LEF1: variants seen among roughly 807,000 people sequenced by gnomAD.
LEF1 encodes the protein lymphoid enhancer binding factor 1.
A neutral mutation model predicts 51.2 loss-of-function variants in LEF1; 14 were observed. The observed-to-expected ratio is 0.27, with a 90% CI of 0.18 to 0.43. The LOEUF is 0.43. LEF1 is among the 20% of genes least tolerant of loss of function. The pLI is 1.00. For missense variants in LEF1, 386 were observed against 512.0 expected (o/e 0.75, Z 2.37); for synonymous variants, 185 against 183.2 (o/e 1.01, Z -0.08).
chr4:108,121,122 C>T (rs1742154986), intron 3 of LEF1, among the ~76,000 whole-genome samples: 1 of 152,144 alleles, frequency 6.6e-6, no homozygotes. Context: ...TGCTTAAGGG[C>T]CTAGGTTTAA....
At chr4:108,146,440 T>C (rs1744005029) in intron 3 of LEF1, among the ~76,000 whole-genome samples, 2 of 152,228 alleles carry the variant, frequency 1.3e-5, no homozygotes, top group African/African-American at 4.8e-5. Flanking sequence ...TATTAACATA[T>C]GAGATGTCCT....
intron 1 of LEF1, chr4:108,166,481 C>T: frequency 1.4e-6 from 2 of 1,379,364 alleles, no homozygotes; most frequent in Non-Finnish European, 1.9e-6. Context: ...TACCGGATTT[C>T]CTCCAGAGGG....
intron 3 of LEF1, among the ~76,000 whole-genome samples, chr4:108,144,930 AT>A (rs1239999572): frequency 6.7e-5 from 10 of 150,352 alleles, no homozygotes; most frequent in Admixed American, 1.3e-4. Flanking sequence ...TGCAGGTTTC[AT>A]AAAAAACTTT....
chr4:108,161,149 G>C (rs1455815507), intron 3 of LEF1, among the ~76,000 whole-genome samples: 2 of 152,200 alleles, frequency 1.3e-5, no homozygotes. Flanking sequence ...GTGGTTAGGG[G>C]TGAAGAAGAG....
chr4:108,133,291 TG>T, intron 3 of LEF1, among the ~76,000 whole-genome samples: 1 of 152,358 alleles, frequency 6.6e-6, no homozygotes, highest in East Asian at 1.9e-4. Flanking sequence ...TGAAAACCAC[TG>T]GGTTAGATCA....
rs1742293454 is a variant in LEF1, at chr4:108,123,349, T to C, written c.415-34092A>G. Reference sequence around the variant, plus strand: ...TTGAGACAAGAAATTTTCACTGCAGTTCCCTGGGAAGGTAGGTTTATTTCT... The same window carrying C: ...TTGAGACAAGAAATTTTCACTGCAGCTCCCTGGGAAGGTAGGTTTATTTCT... On this transcript the variant is annotated intron_variant, in intron 3 of 11. Coordinates refer to ENST00000265165, the MANE Select transcript of LEF1 (RefSeq NM_016269.5). 3.3e-5 allele frequency among the ~76,000 whole-genome samples: 5 copies of C among 152,010 alleles called. No individual in the cohort carries two copies. The South Asian group carries it at 1.0e-3, about 32-fold the overall frequency.
intron 3 of LEF1, chr4:108,104,626 T>C (rs1183473029): frequency 3.2e-6 from 3 of 950,394 alleles, no homozygotes; most frequent in Admixed American, 6.2e-5. Flanking sequence ...GTACGACATA[T>C]TGTATATGTT....
chr4:108,148,256 T>A (rs72660440), intron 3 of LEF1, among the ~76,000 whole-genome samples: 1 of 145,594 alleles, frequency 6.9e-6, no homozygotes, highest in Non-Finnish European at 1.5e-5. Flanking sequence ...TTAGGTTACT[T>A]AACATGAATG....
intron 3 of LEF1, among the ~76,000 whole-genome samples, chr4:108,119,841 A>C (rs1485551206): frequency 1.3e-5 from 2 of 152,204 alleles, no homozygotes; most frequent in African/African-American, 4.8e-5. Context: ...TATATGGATT[A>C]TATCTATCAA....
chr4:108,157,266 T>C (rs1744794113), intron 3 of LEF1, among the ~76,000 whole-genome samples: 1 of 150,668 alleles, frequency 6.6e-6, no homozygotes. Context: ...AATGGTGCGA[T>C]CTGGGCTCAC....
At chr4:108,069,819 G>A (rs1738333479) in intron 9 of LEF1, among the ~76,000 whole-genome samples, 1 of 151,958 alleles carries the variant, frequency 6.6e-6, no homozygotes, top group African/African-American at 2.4e-5. Flanking sequence ...TTAGCCATGT[G>A]TGGGGGTGCA....
chr4:108,048,732 G>A lies in LEF1; in HGVS notation c.*26C>T. 6.2e-7 allele frequency: 1 copy of A among 1,605,748 alleles called. No homozygotes were observed. Reference sequence around the variant, plus strand: ...TCGCTGCCTTGGCTTTGCACGTTGGGAATGAGCTTCGTTTTCCACCTCAAG... The same window carrying A: ...TCGCTGCCTTGGCTTTGCACGTTGGAAATGAGCTTCGTTTTCCACCTCAAG... On this transcript the variant is annotated 3_prime_UTR_variant, in exon 12 of 12. Transcript: ENST00000265165.
At chr4:108,075,438 ATCC>A (rs1178075479) in intron 8 of LEF1, 1 of 152,250 alleles carries the variant, frequency 6.6e-6, no homozygotes, top group Non-Finnish European at 1.5e-5. Context: ...GGGTTGTTAG[ATCC>A]TCCTCAACTG....
intron 3 of LEF1, among the ~76,000 whole-genome samples, chr4:108,121,985 A>G (rs1742204924): frequency 1.3e-5 from 2 of 152,176 alleles, no homozygotes; most frequent in Non-Finnish European, 2.9e-5. Flanking sequence ...TGGTTTTCTG[A>G]GCAGAGAATA....
In LEF1 at chr4:108,168,346, G is replaced by A. The variant is rs1360374973; in HGVS notation, c.-579C>T. 3 of 152,278 alleles carry A rather than the reference G, an allele frequency of 2.0e-5. No homozygotes were observed. The highest frequency in any genetic ancestry group is 4.8e-5 in the African/African-American group (2 of 41,456). 9.4% of individuals were successfully genotyped at this position (152,278 alleles called of 1,614,324 possible). ...TGCAAGGATCAGAAGATAACGAAAC[G>A]TCCACTTCCTGAAGGGTGGGAAAAA... On this transcript the variant is annotated 5_prime_UTR_variant, in exon 1 of 12. In the 5' UTR this introduces an upstream ATG that the reference lacks. Transcript: ENST00000265165. This position sits in a 1 kb window ranked among gnomAD's most constrained non-coding sequence, Gnocchi z 4.6.
In LEF1 at chr4:108,057,297, A is replaced by C. The variant is rs1415601469; in HGVS notation, c.*6+6326T>G. On this transcript the variant is annotated intron_variant, in intron 11 of 11. Transcript: ENST00000265165. Reference sequence around the variant, plus strand: ...CTTCAGCTGCCTCCAATTTCCTTTCAATTTTATTAATTTTTAAGAATCTGG... The same window carrying C: ...CTTCAGCTGCCTCCAATTTCCTTTCCATTTTATTAATTTTTAAGAATCTGG... Among the ~76,000 whole-genome samples, 7 of 152,046 alleles carry C rather than the reference A, an allele frequency of 4.6e-5. 1 individual carries two copies. The highest frequency in any genetic ancestry group is 8.8e-5 in the Non-Finnish European group (6 of 68,028).
chr4:108,112,307 C>T (rs1741581708), intron 3 of LEF1, among the ~76,000 whole-genome samples: 1 of 152,208 alleles, frequency 6.6e-6, no homozygotes, highest in Non-Finnish European at 1.5e-5. Context: ...CAAATAGCTC[C>T]TAGGCTTGAG....
chr4:108,144,401 T>A (rs1743867369), intron 3 of LEF1, among the ~76,000 whole-genome samples: 1 of 152,104 alleles, frequency 6.6e-6, no homozygotes, highest in African/African-American at 2.4e-5. Context: ...CTTCCCCAAG[T>A]CAAATGAACA....
intron 3 of LEF1, among the ~76,000 whole-genome samples, chr4:108,131,454 G>A (rs952789655): frequency 1.3e-5 from 2 of 150,762 alleles, no homozygotes; most frequent in Non-Finnish European, 3.0e-5. Context: ...TGCCTACACA[G>A]CTATGCAAAA....
Sources: allele counts gnomAD v4.1 joint callset (sites outside exome capture counted in the v4.1 genomes callset), GRCh38; gene constraint gnomAD v4.1.1; non-coding constraint Gnocchi (gnomAD v3.1); transcripts MANE v1.5; gene names NCBI Gene and HGNC (gene_info 2026-07-23, HGNC 2026-07-21).